The following IFT88 variants were observed in gnomAD, a reference collection of about 807,000 sequenced individuals.
IFT88 encodes the protein intraflagellar transport protein 88 homolog.
IFT88 carries 74 observed loss-of-function variants against 119.5 expected under a neutral mutation model. That is an observed-to-expected ratio of 0.62 (90% CI 0.51 to 0.75). IFT88 has a LOEUF of 0.75. Among genes scored for constraint, IFT88 ranks in the 30% least tolerant of loss-of-function variants. The pLI is 0.00. For missense variants in IFT88, 961 were observed against 977.7 expected (o/e 0.98, Z 0.23); for synonymous variants, 279 against 316.7 (o/e 0.88, Z 1.26).
At chr13:20,567,965 C>T (rs2035262663) in intron 1 of IFT88, 1 of 710,028 alleles carries the variant, frequency 1.4e-6, no homozygotes, top group Admixed American at 2.0e-5. Context: ...GAAGAATTGT[C>T]TTGGGCCACA....
rs186414061 is a variant in IFT88, at chr13:20,610,933, G to C, written c.1113-4860G>C. Among the ~76,000 whole-genome samples, 369 of 151,978 alleles carry C rather than the reference G, an allele frequency of 2.4e-3. 2 individuals are homozygous for C. The highest frequency in any genetic ancestry group is 4.6e-3 in the Admixed American group (70 of 15,260). ...GTGGGTGGATCACTTGATCCCAGGG[G>C]TTTGAGACCAGCCTGGGCAACATGG... On this transcript the variant is annotated intron_variant, in intron 13 of 25. Transcript: ENST00000351808.
intron 14 of IFT88, among the ~76,000 whole-genome samples, chr13:20,622,442 A>G (rs549695778): frequency 2.1e-4 from 32 of 152,320 alleles, no homozygotes; most frequent in African/African-American, 7.0e-4. Flanking sequence ...TTGCATTCCC[A>G]TTAGCAATAG....
intron 14 of IFT88, among the ~76,000 whole-genome samples, chr13:20,623,633 C>A (rs569718847): frequency 6.6e-6 from 1 of 152,220 alleles, no homozygotes; most frequent in East Asian, 1.9e-4. Flanking sequence ...CACCACCATG[C>A]CCAGCTAATT....
At chr13:20,644,706 A>C in intron 19 of IFT88, 137 bp from the exon 20 acceptor site, 1 of 412,110 alleles carries the variant, frequency 2.4e-6, no homozygotes, top group Non-Finnish European at 4.3e-6. Context: ...AGAATTTACA[A>C]AGTACTTAGG....
chr13:20,576,281 G>A (rs2138043545), intron 2 of IFT88, among the ~76,000 whole-genome samples: 1 of 152,274 alleles, frequency 6.6e-6, no homozygotes. Flanking sequence ...TCCCTTGTCA[G>A]AGGGATAGTT....
At chr13:20,618,664 A>G (rs1244009789) in intron 14 of IFT88, among the ~76,000 whole-genome samples, 2 of 152,132 alleles carry the variant, frequency 1.3e-5, no homozygotes, top group Non-Finnish European at 2.9e-5. Flanking sequence ...AATGGGATAG[A>G]ACATCTATAT....
At chr13:20,607,135 C>G (rs1308087002) in intron 13 of IFT88, 1 of 402,446 alleles carries the variant, frequency 2.5e-6, no homozygotes, top group East Asian at 8.5e-5. Flanking sequence ...TGACTGTGTC[C>G]TTGTGCCACA....
chr13:20,686,639 TATG>T (rs10600311), intron 24 of IFT88, among the ~76,000 whole-genome samples: 24,874 of 152,118 alleles, frequency 0.16, 2,371 homozygotes, highest in African/African-American at 0.25. Flanking sequence ...TGTATTTAAA[TATG>T]ATAAAAATCT....
intron 14 of IFT88, among the ~76,000 whole-genome samples, chr13:20,620,706 C>T (rs1027110576): frequency 7.9e-5 from 12 of 152,022 alleles, no homozygotes; most frequent in African/African-American, 2.9e-4. Flanking sequence ...GCTGGGACTA[C>T]AGGCGCCTGC....
intron 11 of IFT88, 51 bp from the exon 12 acceptor site, chr13:20,601,654 C>A: frequency 1.7e-6 from 2 of 1,172,932 alleles, no homozygotes; most frequent in Non-Finnish European, 1.2e-6. Context: ...GTTTGAATGC[C>A]ATACTAAAGA....
At chr13:20,648,327 C>G (rs554099616) in intron 20 of IFT88, among the ~76,000 whole-genome samples, 1 of 152,084 alleles carries the variant, frequency 6.6e-6, no homozygotes, top group Non-Finnish European at 1.5e-5. Flanking sequence ...ACCCGGGAGG[C>G]GGAGGTTGCA....
intron 12 of IFT88, among the ~76,000 whole-genome samples, chr13:20,604,194 C>T (rs1381447972): frequency 6.6e-6 from 1 of 152,178 alleles, no homozygotes; most frequent in Non-Finnish European, 1.5e-5. Context: ...GACCCATGAT[C>T]ATGCCACAGT....
chr13:20,600,641 A>G (rs2042435820), intron 11 of IFT88, among the ~76,000 whole-genome samples: 1 of 152,232 alleles, frequency 6.6e-6, no homozygotes, highest in South Asian at 2.1e-4. Context: ...GTGAGTATTT[A>G]GAGAAATTAG....
At chr13:20,572,811 T>A (rs1307752256) in intron 1 of IFT88, among the ~76,000 whole-genome samples, 1 of 152,152 alleles carries the variant, frequency 6.6e-6, no homozygotes, top group South Asian at 2.1e-4. Context: ...CGATCTCAGT[T>A]CTGATGGTTT....
intron 22 of IFT88, among the ~76,000 whole-genome samples, chr13:20,660,159 A>C (rs1443103562): frequency 6.6e-6 from 1 of 152,194 alleles, no homozygotes; most frequent in East Asian, 1.9e-4. Flanking sequence ...AAGGAGCTAG[A>C]GAATGTGGGA....
chr13:20,637,003 G>A (rs1396974147), intron 16 of IFT88, among the ~76,000 whole-genome samples: 3 of 152,158 alleles, frequency 2.0e-5, no homozygotes, highest in African/African-American at 7.2e-5. Context: ...AAACATGGAC[G>A]AACCTTAAAA....
At chr13:20,639,284 A>G (rs1452809063) in intron 17 of IFT88, among the ~76,000 whole-genome samples, 1 of 152,076 alleles carries the variant, frequency 6.6e-6, no homozygotes, top group Non-Finnish European at 1.5e-5. Context: ...GTCTCCTGGT[A>G]TTCAGGAGTT....
chr13:20,620,849 G>A (rs2046366584), intron 14 of IFT88, among the ~76,000 whole-genome samples: 1 of 152,114 alleles, frequency 6.6e-6, no homozygotes, highest in African/African-American at 2.4e-5. Flanking sequence ...TTTTTGAATG[G>A]AATTAGTGCC....
At chr13:20,607,494 A>G (rs578130240) in intron 13 of IFT88, 3 of 685,680 alleles carry the variant, frequency 4.4e-6, no homozygotes, top group East Asian at 2.6e-5. Flanking sequence ...ACGGTCACCA[A>G]GTTGTCTTTT....
Sources: allele counts gnomAD v4.1 joint callset (sites outside exome capture counted in the v4.1 genomes callset), GRCh38; gene constraint gnomAD v4.1.1; transcripts MANE v1.5; gene names NCBI Gene and HGNC (gene_info 2026-07-23, HGNC 2026-07-21).